FGD6: variants seen among roughly 807,000 people sequenced by gnomAD.
FGD6 encodes the protein FYVE, RhoGEF and PH domain containing 6.
FGD6 carries 90 observed loss-of-function variants against 149.4 expected under a neutral mutation model. The observed-to-expected ratio is 0.60, with a 90% confidence interval of 0.51 to 0.72. The LOEUF (loss-of-function observed/expected upper bound fraction) is 0.72. Ranked by LOEUF, FGD6 falls within the 30% of genes least tolerant of loss-of-function variation. The pLI, the probability that FGD6 is intolerant of heterozygous loss-of-function variation, is 0.00. For synonymous variants in FGD6, 527 were observed against 584.0 expected (o/e 0.90, Z 1.41); for missense variants, 1,437 against 1,684.8 (o/e 0.85, Z 2.57).
intron 5 of FGD6, among the ~76,000 whole-genome samples, chr12:95,150,763 C>T (rs79730620): frequency 0.02 from 2,972 of 151,946 alleles, 100 homozygotes; most frequent in Non-Finnish European, 0.021. Flanking sequence ...TGTGTGCTAC[C>T]CATGCCTAGC....
chr12:95,083,030 T>TATATACACAC (rs772685891), intron 20 of FGD6, among the ~76,000 whole-genome samples: 14 of 56,596 alleles, frequency 2.5e-4, no homozygotes, highest in Non-Finnish European at 3.9e-4. Flanking sequence ...TATATATATA[T>TATATACACAC]ACACACACAT....
At chr12:95,110,875 A>T (rs888401354) in intron 9 of FGD6, among the ~76,000 whole-genome samples, 1 of 152,002 alleles carries the variant, frequency 6.6e-6, no homozygotes, top group Non-Finnish European at 1.5e-5. Context: ...TCCCCACGTC[A>T]TCCCGTTAAG....
intron 2 of FGD6, among the ~76,000 whole-genome samples, chr12:95,176,961 G>A (rs1305688631): frequency 3.3e-5 from 5 of 152,096 alleles, no homozygotes; most frequent in Non-Finnish European, 5.9e-5. Flanking sequence ...CTGAGTAGCT[G>A]AGACTATAGG....
chr12:95,088,920 G>T (rs2136232450), intron 18 of FGD6, among the ~76,000 whole-genome samples: 1 of 152,062 alleles, frequency 6.6e-6, no homozygotes, highest in East Asian at 1.9e-4. Context: ...AAAAGCAAGA[G>T]AACCAAATTA....
intron 20 of FGD6, among the ~76,000 whole-genome samples, chr12:95,082,984 TAAA>T (rs1173446654): frequency 6.1e-4 from 19 of 31,114 alleles, no homozygotes; most frequent in African/African-American, 1.3e-3. Flanking sequence ...CTGTCTCCAT[TAAA>T]AAAAAAAAAA....
intron 5 of FGD6, among the ~76,000 whole-genome samples, chr12:95,144,580 C>A (rs573320357): frequency 2.6e-5 from 4 of 151,818 alleles, no homozygotes; most frequent in African/African-American, 9.7e-5. Flanking sequence ...TTAGTAGAGA[C>A]AGGGTTTCTC....
chr12:95,115,835 G>GT (rs1878992583), intron 8 of FGD6, among the ~76,000 whole-genome samples: 1 of 152,156 alleles, frequency 6.6e-6, no homozygotes, highest in Non-Finnish European at 1.5e-5. Flanking sequence ...CTGAAACTTC[G>GT]TAAGTCTTTG....
intron 14 of FGD6, chr12:95,101,051 T>C (rs1170306200): frequency 1.4e-5 from 4 of 277,530 alleles, no homozygotes; most frequent in African/African-American, 2.2e-5. Context: ...GAAATAGTTA[T>C]GTTGCTGGGC....
chr12:95,144,071 A>G (rs1294235453), intron 5 of FGD6, among the ~76,000 whole-genome samples: 1 of 152,184 alleles, frequency 6.6e-6, no homozygotes, highest in Non-Finnish European at 1.5e-5. Flanking sequence ...CCTGCATTCC[A>G]TATGTCTGCC....
intron 2 of FGD6, among the ~76,000 whole-genome samples, chr12:95,190,945 C>T (rs1185459462): frequency 6.6e-6 from 1 of 152,036 alleles, no homozygotes; most frequent in Non-Finnish European, 1.5e-5. Flanking sequence ...GACCCTTCAC[C>T]AGAACATTTT....
At chr12:95,128,389 AC>A (rs1162864899) in intron 8 of FGD6, among the ~76,000 whole-genome samples, 3 of 152,108 alleles carry the variant, frequency 2.0e-5, no homozygotes, top group Non-Finnish European at 1.5e-5. Context: ...GGTGTGTGCC[AC>A]CACACCCAGC....
At chr12:95,161,435 G>A (rs1880641351) in intron 3 of FGD6, among the ~76,000 whole-genome samples, 1 of 152,134 alleles carries the variant, frequency 6.6e-6, no homozygotes, top group Non-Finnish European at 1.5e-5. Context: ...GGCAGAGGTT[G>A]CAGTGAGCCG....
chr12:95,176,938 C>T (rs973992745), intron 2 of FGD6, among the ~76,000 whole-genome samples: 1 of 152,150 alleles, frequency 6.6e-6, no homozygotes, highest in Non-Finnish European at 1.5e-5. Flanking sequence ...AGCGATTCTC[C>T]CATCTCAGCC....
chr12:95,210,940 T>A lies in FGD6; in HGVS notation c.344A>T (p.Glu115Val), dbSNP rs2056723100. ...YISPMCSCSS[E>V]CIHKLGHREN... ...TCTATGGCCCAGCTTATGGATACAC[T>A]CAGAACTGCAGGAACACATTGGTGA... Residue 115 changes from glutamate to valine, a missense_variant, in exon 2 of 21, where the codon GAG becomes GTG. By Grantham distance (121) the Glu-to-Val change is moderately radical. Around this residue, in one of 2 missense-constraint regions of FGD6, gnomAD observed 1,055 missense variants for 1,146.0 expected, o/e 0.92. Coordinates refer to ENST00000343958, the MANE Select transcript of FGD6 (RefSeq NM_018351.4). 1 of 1,614,202 alleles carries A rather than the reference T, an allele frequency of 6.2e-7. No individual in the cohort carries two copies. The highest frequency in any genetic ancestry group is 1.7e-5 in the Admixed American group (1 of 60,024).
At chr12:95,195,990 C>T (rs915201144) in intron 2 of FGD6, among the ~76,000 whole-genome samples, 25 of 151,566 alleles carry the variant, frequency 1.6e-4, no homozygotes, top group Admixed American at 1.6e-3. Context: ...GGTGTGGTGG[C>T]GCACGTCTCT....
Position 95,172,793 on chromosome 12 carries a change from G to A in FGD6, c.2442-49C>T, listed in dbSNP as rs751634523. The A allele has an allele frequency of 2.8e-6, 4 of 1,452,770 alleles. No homozygotes were observed. The East Asian group carries it at 9.5e-5, about 35-fold the overall frequency. The allele number at this position is 1,452,770 out of a possible 1,614,324, so 90.0% of individuals were successfully genotyped here. The stretch of plus-strand genomic sequence containing the variant: ...TTAGTCACCTTCAATAATAAGAAGT[G>A]CTAGCAAAACAAAAACCAAATCAAC... On this transcript the variant is annotated intron_variant, in intron 2 of 20. Coordinates refer to ENST00000343958, the MANE Select transcript of FGD6 (RefSeq NM_018351.4).
rs1207050110 is a variant in FGD6 at position 95,209,575 on chromosome 12, G to A, written c.1709C>T (p.Pro570Leu). 3 of 1,613,968 alleles carry A rather than the reference G, an allele frequency of 1.9e-6. No individual in the cohort carries two copies. The highest frequency in any genetic ancestry group is 1.3e-5 in the African/African-American group (1 of 74,916). ...CCCTGAAAAGGGTAAAATAGGATGAGGTAACTTCCACACTGGCTTTTCTGA... is the reference window on the plus strand; with the variant it reads ...CCCTGAAAAGGGTAAAATAGGATGAAGTAACTTCCACACTGGCTTTTCTGA... ...RASEKPVWKL[P>L]HPILPFSGNP... The change falls in exon 2 of 21, where the codon CCT (proline) becomes CTT (leucine). Residue 570 changes from proline to leucine, a missense_variant. Physicochemically the swap from Pro to Leu is moderately conservative, Grantham distance 98. Transcript: ENST00000343958.
intron 14 of FGD6, among the ~76,000 whole-genome samples, chr12:95,098,240 C>T (rs1046658487): frequency 9.2e-5 from 14 of 152,172 alleles, no homozygotes; most frequent in Non-Finnish European, 1.5e-4. Context: ...GGCACCATCT[C>T]CCAATTCATA....
At chr12:95,147,168 G>A (rs1880042069) in intron 5 of FGD6, among the ~76,000 whole-genome samples, 1 of 152,204 alleles carries the variant, frequency 6.6e-6, no homozygotes, top group African/African-American at 2.4e-5. Context: ...AAGCAAAGCA[G>A]CTGTGGAGGT....
Sources: gnomAD v4.1 joint callset for allele counts (sites outside exome capture counted in the v4.1 genomes callset) on GRCh38, gnomAD v4.1.1 for gene constraint, gnomAD v4.1.1 regional missense constraint, MANE v1.5 for transcripts, NCBI Gene and HGNC (gene_info 2026-07-23, HGNC 2026-07-21) for gene names.